ABCD3: variants seen among roughly 807,000 people sequenced by gnomAD.
ABCD3 encodes the protein ATP binding cassette subfamily D member 3.
In ABCD3, 41 loss-of-function variants were observed where a neutral mutation model predicts 105.5. The observed-to-expected ratio is 0.39, with a 90% confidence interval of 0.30 to 0.50. ABCD3 has a LOEUF of 0.50. Ranked by LOEUF, ABCD3 falls within the 20% of genes least tolerant of loss-of-function variation. ABCD3 has a pLI of 0.84. For missense variants in ABCD3, 622 were observed against 806.3 expected (o/e 0.77, Z 2.77); for synonymous variants, 258 against 269.0 (o/e 0.96, Z 0.40).
At chr1:94,430,402 G>T (rs779291242) in intron 1 of ABCD3, among the ~76,000 whole-genome samples, 3 of 152,156 alleles carry the variant, frequency 2.0e-5, no homozygotes, top group Admixed American at 6.5e-5. Flanking sequence ...GATATGGTTT[G>T]GCTGTGTCCC....
intron 1 of ABCD3, among the ~76,000 whole-genome samples, chr1:94,423,022 C>A (rs1398585458): frequency 6.6e-6 from 1 of 152,178 alleles, no homozygotes; most frequent in Non-Finnish European, 1.5e-5. Flanking sequence ...TATGCCATTG[C>A]CTGCCAATGG....
At position 94,473,783 on chromosome 1, in the gene ABCD3, G is replaced by A. The variant is rs1463422701; in HGVS notation, c.353G>A (p.Ser118Asn). The A allele has an allele frequency of 1.9e-6, 3 of 1,612,686 alleles. No homozygotes were observed. Among genetic ancestry groups the A allele is most frequent in the Non-Finnish European group, 2.5e-6 (3 of 1,179,338 alleles). ...GTTTGCAGTGGTATCATTGGTCGTAGCAGGAAAGATTTCAAGAGATACTTA... is the reference window on the plus strand; with the variant it reads ...GTTTGCAGTGGTATCATTGGTCGTAACAGGAAAGATTTCAAGAGATACTTA... ...TLIESGIIGR[S>N]RKDFKRYLLN... Residue 118 changes from serine to asparagine, a missense_variant, in exon 5 of 23, where the codon AGC (serine) becomes AAC (asparagine). Physicochemically the swap from Ser to Asn is conservative, Grantham distance 46. Around this residue, in one of 4 missense-constraint regions of ABCD3, gnomAD observed 245 missense variants for 356.4 expected, o/e 0.69. Coordinates refer to ENST00000370214, the MANE Select transcript of ABCD3 (RefSeq NM_002858.4).
chr1:94,394,235 G>A, the ABCD3 span, among the ~76,000 whole-genome samples: 1 of 152,146 alleles, frequency 6.6e-6, no homozygotes, highest in Non-Finnish European at 1.5e-5. Flanking sequence ...TTAGCATAAT[G>A]TAACCAATGT....
intron 7 of ABCD3, among the ~76,000 whole-genome samples, chr1:94,476,160 G>C (rs1405633787): frequency 6.6e-6 from 1 of 152,132 alleles, no homozygotes; most frequent in Non-Finnish European, 1.5e-5. Context: ...TAGATCATTA[G>C]TAAGTAGTAG....
Position 94,498,930 on chromosome 1 carries a change from C to T in ABCD3, c.1531-15C>T. 1.9e-6 allele frequency: 3 copies of T among 1,612,402 alleles called. No homozygotes were observed. Among genetic ancestry groups the T allele is most frequent in the Non-Finnish European group, 2.5e-6 (3 of 1,178,644 alleles). On this transcript the variant is annotated splice_polypyrimidine_tract_variant and intron_variant, in intron 18 of 22. Transcript: ENST00000370214. Reference sequence around the variant, plus strand: ...TCATGTTGCTTCTAATTGACTTTTGCTCTACTACTGTCAGAGACCTTACAT... The same window carrying T: ...TCATGTTGCTTCTAATTGACTTTTGTTCTACTACTGTCAGAGACCTTACAT...
intron 7 of ABCD3, among the ~76,000 whole-genome samples, chr1:94,477,957 A>G (rs796974515): frequency 1.3e-5 from 2 of 152,336 alleles, no homozygotes; most frequent in African/African-American, 4.8e-5. Flanking sequence ...CTGAGTTACT[A>G]GTGGTTAATT....
chr1:94,420,082 C>T (rs1398541247), intron 1 of ABCD3, among the ~76,000 whole-genome samples: 3 of 152,136 alleles, frequency 2.0e-5, no homozygotes, highest in African/African-American at 7.2e-5. Flanking sequence ...GAGGACAGCC[C>T]TACAAGTTCT....
intron 1 of ABCD3, among the ~76,000 whole-genome samples, chr1:94,433,827 C>G (rs1245479367): frequency 6.7e-6 from 1 of 148,206 alleles, no homozygotes; most frequent in Non-Finnish European, 1.5e-5. Context: ...TTTTTTTTTT[C>G]CAGTTAAAAC....
intron 1 of ABCD3, among the ~76,000 whole-genome samples, chr1:94,454,355 G>A (rs1009031267): frequency 6.6e-6 from 1 of 152,176 alleles, no homozygotes; most frequent in African/African-American, 2.4e-5. Flanking sequence ...TGTGATCACT[G>A]ATTTAGGGCT....
Position 94,478,273 on chromosome 1 carries a change from AG to A in ABCD3, c.643del (p.Val215PhefsTer7). ...TTATTTTACAGCCATTTTTAGACAT[AG>A]TTTTGTATATCTTTAAGTTAACGAG... ...SNLSKPFLDI[V>X]LYIFKLTSAI... On this transcript the variant is annotated frameshift_variant, in exon 8 of 23. Transcript: ENST00000370214. LOFTEE classifies it high-confidence loss of function. 6.3e-7 allele frequency: 1 copy of A among 1,598,120 alleles called. No individual in the cohort carries two copies. The highest frequency in any genetic ancestry group is 1.1e-5 in the South Asian group (1 of 89,958).
At chr1:94,464,273 A>G (rs1316239315) in intron 2 of ABCD3, among the ~76,000 whole-genome samples, 1 of 152,178 alleles carries the variant, frequency 6.6e-6, no homozygotes, top group Non-Finnish European at 1.5e-5. Context: ...TGGTAAATCT[A>G]GGAATCCAAA....
At chr1:94,458,159 G>A (rs1647678385) in intron 1 of ABCD3, among the ~76,000 whole-genome samples, 1 of 152,192 alleles carries the variant, frequency 6.6e-6, no homozygotes, top group Admixed American at 6.5e-5. Context: ...TCATCCTTTA[G>A]AAGACTAGCC....
At position 94,487,727 on chromosome 1, in the gene ABCD3, G is replaced by A; in HGVS notation, c.1001G>A (p.Ser334Asn). ...LATVVGYLVV[S>N]RPFLDLSHPR... ...ACTGTTGTTGGTTACCTAGTTGTCA[G>A]TCGCCCTTTCTTAGATTTGTCTCAT... The change falls in exon 12 of 23, where the codon AGT becomes AAT. Residue 334 changes from serine (S) to asparagine (N), a missense_variant. Coordinates refer to ENST00000370214, the MANE Select transcript of ABCD3 (RefSeq NM_002858.4). The A allele has an allele frequency of 6.2e-7, 1 of 1,614,064 alleles. No individual in the cohort carries two copies. The highest frequency in any genetic ancestry group is 8.5e-7 in the Non-Finnish European group (1 of 1,179,954).
chr1:94,486,311 C>T (rs1409183663), intron 10 of ABCD3, among the ~76,000 whole-genome samples: 7 of 152,210 alleles, frequency 4.6e-5, no homozygotes, highest in Admixed American at 4.6e-4. Flanking sequence ...GAACCAATCC[C>T]ATCCCCTTTG....
chr1:94,442,417 A>C (rs1231991811), intron 1 of ABCD3, among the ~76,000 whole-genome samples: 1 of 152,182 alleles, frequency 6.6e-6, no homozygotes, highest in Non-Finnish European at 1.5e-5. Context: ...AATGTGCTTT[A>C]GTTATCAACT....
At chr1:94,487,103 G>T (rs997430292) in intron 10 of ABCD3, among the ~76,000 whole-genome samples, 10 of 152,118 alleles carry the variant, frequency 6.6e-5, no homozygotes, top group African/African-American at 2.2e-4. Flanking sequence ...CTTAGATAAA[G>T]CACAGACCAT....
chr1:94,403,574 A>C, the ABCD3 span, among the ~76,000 whole-genome samples: 1 of 152,220 alleles, frequency 6.6e-6, no homozygotes, highest in African/African-American at 2.4e-5. Context: ...ATTTACCTGT[A>C]ATCAAGAGAC....
At chr1:94,512,021 T>C (rs1444366870) in intron 21 of ABCD3, among the ~76,000 whole-genome samples, 1 of 152,184 alleles carries the variant, frequency 6.6e-6, no homozygotes, top group African/African-American at 2.4e-5. Flanking sequence ...CCAGCTTTGT[T>C]CCGTTGCTGG....
chr1:94,518,244 A>G lies in ABCD3; in HGVS notation c.*1115A>G, dbSNP rs975302362. The stretch of plus-strand genomic sequence containing the variant: ...CAAATCATCATTAATGACTTTATGT[A>G]TTATTTGCACAGGGAGAATTGAAAC... On this transcript the variant is annotated 3_prime_UTR_variant, in exon 23 of 23. Coordinates refer to ENST00000370214, the MANE Select transcript of ABCD3 (RefSeq NM_002858.4). 9 of 152,264 alleles carry G rather than the reference A, an allele frequency of 5.9e-5. No individual in the cohort carries two copies. The highest frequency in any genetic ancestry group is 1.0e-4 in the Non-Finnish European group (7 of 67,822). The allele number at this position is 152,264 out of a possible 1,614,324, so 9.4% of individuals were successfully genotyped here.
Sources: gnomAD v4.1 joint callset for allele counts (sites outside exome capture counted in the v4.1 genomes callset) on GRCh38, gnomAD v4.1.1 for gene constraint, gnomAD v4.1.1 regional missense constraint, MANE v1.5 for transcripts, NCBI Gene and HGNC (gene_info 2026-07-23, HGNC 2026-07-21) for gene names.